Variants in RFTN1 observed in about 807,000 individuals in gnomAD.
The protein encoded by RFTN1 is raftlin, lipid raft linker 1.
A neutral mutation model predicts 46.5 loss-of-function variants in RFTN1; 26 were observed. That is an observed-to-expected ratio of 0.56 (90% confidence interval 0.41 to 0.78). The LOEUF (loss-of-function observed/expected upper bound fraction) is 0.78. RFTN1 is among the 30% of genes least tolerant of loss of function. The pLI, the probability that RFTN1 is intolerant of heterozygous loss-of-function variation, is 0.00. For synonymous variants in RFTN1, 261 were observed against 284.2 expected, an observed-to-expected ratio of 0.92 and a Z score of 0.82; for missense variants, 693 against 718.7, an observed-to-expected ratio of 0.96 and a Z score of 0.41.
chr3:16,499,604 T>G lies in RFTN1; in HGVS notation c.-8-5727A>C, dbSNP rs1477846254. ...AAGCCCTGCCAAAGCTGCAGATTCC[T>G]GAGCAAAATAAGCTACTGTTGTTGT... On this transcript the variant is annotated intron_variant, in intron 1 of 9. Coordinates refer to ENST00000334133, the MANE Select transcript of RFTN1 (RefSeq NM_015150.2). The surrounding 1 kb of genome is among the most constrained non-coding windows in gnomAD (Gnocchi z 4.9). Among the ~76,000 whole-genome samples, 1 of 152,268 alleles carries G rather than the reference T, an allele frequency of 6.6e-6. No individual in the cohort carries two copies.
At position 16,334,423 on chromosome 3, in the gene RFTN1, C is replaced by T. The variant is rs77856994; in HGVS notation, c.1147-7547G>A. On this transcript the variant is annotated intron_variant, in intron 7 of 9. Coordinates refer to ENST00000334133, the MANE Select transcript of RFTN1 (RefSeq NM_015150.2). The surrounding 1 kb of genome is among the most constrained non-coding windows in gnomAD (Gnocchi z 4.3). ...ATCTCACTTCTGGGAATTTAACCTACGTATTAAAAAATGAGAAATGCACAG... is the reference window on the plus strand; with the variant it reads ...ATCTCACTTCTGGGAATTTAACCTATGTATTAAAAAATGAGAAATGCACAG... Among the ~76,000 whole-genome samples the T allele has an allele frequency of 0.015, 2,342 of 152,206 alleles. 72 individuals carry two copies. The highest frequency in any genetic ancestry group is 0.11 in the East Asian group (567 of 5,182).
At position 16,481,698 on chromosome 3, in the gene RFTN1, CA is replaced by C. The variant is rs2076370010; in HGVS notation, c.145+12026del. Among the ~76,000 whole-genome samples, 1 of 152,056 alleles carries C rather than the reference CA, an allele frequency of 6.6e-6. No individual in the cohort carries two copies. ...ATGAACAGTGAAAAGAAACAGAAGC[CA>C]AAAGTGGGTCAGGAGAAACTGTTTA... On this transcript the variant is annotated intron_variant, in intron 2 of 9. Transcript: ENST00000334133. This position sits in a 1 kb window ranked among gnomAD's most constrained non-coding sequence, Gnocchi z 5.1.
At position 16,400,205 on chromosome 3, in the gene RFTN1, T is replaced by C. The variant is rs2074568204; in HGVS notation, c.441+9170A>G. 6.6e-6 allele frequency among the ~76,000 whole-genome samples: 1 copy of C among 152,132 alleles called. No individual in the cohort carries two copies. The highest frequency in any genetic ancestry group is 2.4e-5 in the African/African-American group (1 of 41,418). ...AGCCTCACTCCACCTCACTCACCCC[T>C]CTGTCATTTGCAGGCAAGACAGTGA... On this transcript the variant is annotated intron_variant, in intron 4 of 9. Coordinates refer to ENST00000334133, the MANE Select transcript of RFTN1 (RefSeq NM_015150.2). This position sits in a 1 kb window ranked among gnomAD's most constrained non-coding sequence, Gnocchi z 4.5.
intron 1 of RFTN1, 46 bp from the exon 2 acceptor site, chr3:16,493,923 T>G (rs2076583544): frequency 1.2e-6 from 2 of 1,610,164 alleles, no homozygotes; most frequent in South Asian, 2.2e-5. Context: ...TTTTCTGAGA[T>G]TTTGTCTTTA....
rs147412997 is a variant in RFTN1 at position 16,320,671 on chromosome 3, G to A, written c.1332+2705C>T. On this transcript the variant is annotated intron_variant, in intron 9 of 9. Transcript: ENST00000334133. The surrounding 1 kb of genome is among the most constrained non-coding windows in gnomAD (Gnocchi z 4.5). The stretch of plus-strand genomic sequence containing the variant: ...GTATAAAAGGAGACAGCACTGTTCT[G>A]AGAAAAGGATGCTCGAGTAGAGCTA... 6.2e-4 allele frequency among the ~76,000 whole-genome samples: 95 copies of A among 152,350 alleles called. 1 individual carries two copies. The highest frequency in any genetic ancestry group is 2.3e-3 in the African/African-American group (94 of 41,590).
rs937926785 is a variant in RFTN1 at position 16,481,541 on chromosome 3, G to A, written c.145+12184C>T. ...CCAACTCTTAGCAATTATAGAAACC[G>A]GAAACAAAAATGAAACACAAGTAGG... On this transcript the variant is annotated intron_variant, in intron 2 of 9. Coordinates refer to ENST00000334133, the MANE Select transcript of RFTN1 (RefSeq NM_015150.2). This position sits in a 1 kb window ranked among gnomAD's most constrained non-coding sequence, Gnocchi z 5.1. 5.9e-5 allele frequency among the ~76,000 whole-genome samples: 9 copies of A among 152,062 alleles called. No homozygotes were observed. The highest frequency in any genetic ancestry group is 1.9e-4 in the East Asian group (1 of 5,162).
chr3:16,377,947 T>G lies in RFTN1; in HGVS notation c.597A>C (p.Ser199=), dbSNP rs1208416957. Residue 199 remains serine (S), a synonymous_variant, in exon 5 of 10, where the codon TCA becomes TCC. Transcript: ENST00000334133. ...DAKNARGDHA[S]LENEKPGTGD... ...CAGTCCCCGGTTTCTCATTCTCCAG[T>G]GACGCGTGATCCCCACGTGCGTTTT... The G allele has an allele frequency of 1.2e-6, 2 of 1,614,122 alleles. No homozygotes were observed. The highest frequency in any genetic ancestry group is 2.2e-5 in the East Asian group (1 of 44,888).
intron 5 of RFTN1, among the ~76,000 whole-genome samples, chr3:16,375,468 A>T (rs1188108779): frequency 1.3e-5 from 2 of 152,074 alleles, no homozygotes; most frequent in Non-Finnish European, 2.9e-5. Context: ...AGTTACTGAG[A>T]TGACACAAGA....
chr3:16,397,447 A>G (rs1410276564), intron 4 of RFTN1, among the ~76,000 whole-genome samples: 1 of 152,184 alleles, frequency 6.6e-6, no homozygotes, highest in Non-Finnish European at 1.5e-5. Flanking sequence ...ACAGTTAATA[A>G]TATTTTATTG....
intron 7 of RFTN1, among the ~76,000 whole-genome samples, chr3:16,328,072 G>A (rs891271792): frequency 1.3e-5 from 2 of 152,222 alleles, no homozygotes; most frequent in Non-Finnish European, 1.5e-5. Context: ...AGCCATGATG[G>A]GTGCAAAGGC....
Position 16,433,839 on chromosome 3 carries a change from T to C in RFTN1, c.332+12A>G, listed in dbSNP as rs2075443633. 1.2e-6 allele frequency: 2 copies of C among 1,613,970 alleles called. No individual in the cohort carries two copies. Among genetic ancestry groups the C allele is most frequent in the Non-Finnish European group, 1.7e-6 (2 of 1,179,836 alleles). ...CAACAGGATGCTACCCATTCACCCGTGGAGGCCTTACCTGTCGGTTTTCTT... is the reference window on the plus strand; with the variant it reads ...CAACAGGATGCTACCCATTCACCCGCGGAGGCCTTACCTGTCGGTTTTCTT... On this transcript the variant is annotated intron_variant, in intron 3 of 9. Coordinates refer to ENST00000334133, the MANE Select transcript of RFTN1 (RefSeq NM_015150.2). This position sits in a 1 kb window ranked among gnomAD's most constrained non-coding sequence, Gnocchi z 4.4.
chr3:16,418,906 A>G lies in RFTN1; in HGVS notation c.333-9423T>C, dbSNP rs2075135092. 1.3e-5 allele frequency among the ~76,000 whole-genome samples: 2 copies of G among 152,188 alleles called. No homozygotes were observed. The highest frequency in any genetic ancestry group is 4.8e-5 in the African/African-American group (2 of 41,448). The stretch of plus-strand genomic sequence containing the variant: ...AAGTCTAGATCCTGCCCTCAAGTCT[A>G]GATAGACTGTGTATAAACAGAAGTG... On this transcript the variant is annotated intron_variant, in intron 3 of 9. Transcript: ENST00000334133. This position sits in a 1 kb window ranked among gnomAD's most constrained non-coding sequence, Gnocchi z 5.0.
At chr3:16,391,864 T>G (rs1278577147) in intron 4 of RFTN1, among the ~76,000 whole-genome samples, 1 of 27,646 alleles carries the variant, frequency 3.6e-5, no homozygotes, top group African/African-American at 1.3e-4. Flanking sequence ...AAAGGTTTTT[T>G]TTTTGTTTTT....
At chr3:16,360,148 G>A (rs1017640344) in intron 6 of RFTN1, among the ~76,000 whole-genome samples, 9 of 151,782 alleles carry the variant, frequency 5.9e-5, no homozygotes, top group Non-Finnish European at 1.2e-4. Flanking sequence ...TCCATGGCCA[G>A]TAAACATTGA....
At chr3:16,318,475 C>T (rs1455943435) in intron 9 of RFTN1, among the ~76,000 whole-genome samples, 2 of 152,058 alleles carry the variant, frequency 1.3e-5, no homozygotes, top group South Asian at 2.1e-4. Context: ...TCATTCTGAG[C>T]GCTTTGCTAG....
In RFTN1 at chr3:16,427,586, A is replaced by C. The variant is rs2075309535; in HGVS notation, c.332+6265T>G. Among the ~76,000 whole-genome samples the C allele has an allele frequency of 6.6e-6, 1 of 152,196 alleles. No individual in the cohort carries two copies. The highest frequency in any genetic ancestry group is 1.5e-5 in the Non-Finnish European group (1 of 68,026). On this transcript the variant is annotated intron_variant, in intron 3 of 9. Coordinates refer to ENST00000334133, the MANE Select transcript of RFTN1 (RefSeq NM_015150.2). This position sits in a 1 kb window ranked among gnomAD's most constrained non-coding sequence, Gnocchi z 5.4. ...TAAGAGGAAACATTTCACAGACTCC[A>C]AGCATATGGTCAATTTGGGATGAAG...
At chr3:16,419,932 T>C (rs2075153816) in intron 3 of RFTN1, among the ~76,000 whole-genome samples, 1 of 152,200 alleles carries the variant, frequency 6.6e-6, no homozygotes, top group African/African-American at 2.4e-5. Context: ...GGGGGAGATG[T>C]GCAAAGGATA....
At chr3:16,375,324 G>T (rs1209388418) in intron 5 of RFTN1, among the ~76,000 whole-genome samples, 1 of 152,142 alleles carries the variant, frequency 6.6e-6, no homozygotes, top group African/African-American at 2.4e-5. Context: ...GTCCCTGGAC[G>T]TTCAGCCTTC....
In RFTN1 at chr3:16,460,570, T is replaced by G. The variant is rs1012999514; in HGVS notation, c.146-26533A>C. The stretch of plus-strand genomic sequence containing the variant: ...CGCTGTCCAAAACCAAAACCTCACA[T>G]TTCAAGCAGAGGCTGGGTGGGGAAT... On this transcript the variant is annotated intron_variant, in intron 2 of 9. Coordinates refer to ENST00000334133, the MANE Select transcript of RFTN1 (RefSeq NM_015150.2). The surrounding 1 kb of genome is among the most constrained non-coding windows in gnomAD (Gnocchi z 4.8). Among the ~76,000 whole-genome samples the G allele has an allele frequency of 1.1e-4, 16 of 152,266 alleles. No homozygotes were observed. Among genetic ancestry groups the G allele is most frequent in the South Asian group, 8.3e-4 (4 of 4,830 alleles).
Sources: allele counts gnomAD v4.1 joint callset (sites outside exome capture counted in the v4.1 genomes callset), GRCh38; gene constraint gnomAD v4.1.1; non-coding constraint Gnocchi (gnomAD v3.1); transcripts MANE v1.5; gene names NCBI Gene and HGNC (gene_info 2026-07-23, HGNC 2026-07-21).